Variants in DCAF7 observed in about 807,000 individuals in gnomAD.
DCAF7 encodes the protein DDB1 and CUL4 associated factor 7.
In DCAF7, 4 loss-of-function variants were observed where a neutral mutation model predicts 41.2. That is an observed-to-expected ratio of 0.10 (90% confidence interval 0.05 to 0.22). DCAF7 has a LOEUF of 0.22. Among genes scored for constraint, DCAF7 ranks in the 10% least tolerant of loss-of-function variants. DCAF7 has a pLI of 1.00. For synonymous variants in DCAF7, 143 were observed against 164.2 expected (o/e 0.87, Z 0.99); for missense variants, 131 against 443.2 (o/e 0.30, Z 6.32).
chr17:63,592,576 A>C lies in DCAF7; in HGVS notation c.*3404A>C, dbSNP rs1375952686. On this transcript the variant is annotated 3_prime_UTR_variant, in exon 7 of 7. Transcript: ENST00000614556. ...AGATGTAGGATGCAGGAGAAAATTA[A>C]AGTGTTTTCTTTATATCAGAGGAGG... The C allele has an allele frequency of 6.6e-6, 1 of 152,132 alleles. No individual in the cohort carries two copies. The highest frequency in any genetic ancestry group is 1.5e-5 in the Non-Finnish European group (1 of 68,044). The allele number at this position is 152,132 out of a possible 1,614,324, so 9.4% of individuals were successfully genotyped here.
chr17:63,565,542 G>C (rs2033431153), intron 1 of DCAF7, among the ~76,000 whole-genome samples: 1 of 151,798 alleles, frequency 6.6e-6, no homozygotes, highest in South Asian at 2.1e-4. Flanking sequence ...CTCCAGCCTG[G>C]GCAACAAGAG....
chr17:63,592,003 AC>A lies in DCAF7; in HGVS notation c.*2832del, dbSNP rs1452359054. 4 of 152,342 alleles carry A rather than the reference AC, an allele frequency of 2.6e-5. No individual in the cohort carries two copies. Among genetic ancestry groups the A allele is most frequent in the African/African-American group, 9.6e-5 (4 of 41,472 alleles). The allele number at this position is 152,342 out of a possible 1,614,324, so 9.4% of individuals were successfully genotyped here. A position where few individuals can be genotyped will look rare whatever the true frequency, so the allele number is the denominator to read the frequency against. Reference sequence around the variant, plus strand: ...CACCAGAGAGCTGGAGAATGGGTCCACGTCATTCAAGGACCTGAATTTTTTA... The same window carrying A: ...CACCAGAGAGCTGGAGAATGGGTCCAGTCATTCAAGGACCTGAATTTTTTA... On this transcript the variant is annotated 3_prime_UTR_variant, in exon 7 of 7. Coordinates refer to ENST00000614556, the MANE Select transcript of DCAF7 (RefSeq NM_005828.5).
chr17:63,566,960 T>A (rs186181299), intron 1 of DCAF7, among the ~76,000 whole-genome samples: 11 of 146,088 alleles, frequency 7.5e-5, no homozygotes, highest in African/African-American at 2.7e-4. Flanking sequence ...CTATTTAAGC[T>A]TTTTTCTTTC....
intron 1 of DCAF7, among the ~76,000 whole-genome samples, chr17:63,559,435 GTGTGTA>G: frequency 8.8e-6 from 1 of 113,726 alleles, no homozygotes; most frequent in African/African-American, 4.3e-5. Flanking sequence ...ATATATATGT[GTGTGTA>G]TATATATATA....
chr17:63,575,463 G>A (rs2033551738), intron 1 of DCAF7, among the ~76,000 whole-genome samples: 1 of 152,218 alleles, frequency 6.6e-6, no homozygotes, highest in African/African-American at 2.4e-5. Flanking sequence ...ACCCTGAGAG[G>A]GCGAGACAGG....
chr17:63,580,788 C>G (rs552692430), intron 4 of DCAF7, among the ~76,000 whole-genome samples: 1 of 152,238 alleles, frequency 6.6e-6, no homozygotes, highest in East Asian at 1.9e-4. Flanking sequence ...TCCCAAAGTG[C>G]TGGGATTACA....
At position 63,579,854 on chromosome 17, in the gene DCAF7, A is replaced by G; in HGVS notation, c.439A>G (p.Ile147Val). The change falls in exon 4 of 7, where the codon ATC becomes GTC. Residue 147 changes from isoleucine (I) to valine (V), a missense_variant. Transcript: ENST00000614556. ...GTSSIDTTCT[I>V]WGLETGQVLG... ...CTCAAGCATTGATACGACATGCACC[A>G]TCTGGGGGCTGGAGACAGGGCAGGT... is the stretch of plus-strand genomic sequence containing the variant. 6.2e-7 allele frequency: 1 copy of G among 1,613,902 alleles called. No individual in the cohort carries two copies. Among genetic ancestry groups the G allele is most frequent in the Non-Finnish European group, 8.5e-7 (1 of 1,179,850 alleles).
At chr17:63,560,702 CT>C (rs1375515906) in intron 1 of DCAF7, among the ~76,000 whole-genome samples, 1 of 151,804 alleles carries the variant, frequency 6.6e-6, no homozygotes, top group African/African-American at 2.4e-5. Flanking sequence ...AAATTTGGGC[CT>C]TGTGTATGTA....
intron 1 of DCAF7, among the ~76,000 whole-genome samples, chr17:63,555,733 T>C (rs768930774): frequency 2.3e-4 from 35 of 152,198 alleles, no homozygotes; most frequent in Non-Finnish European, 4.6e-4. Flanking sequence ...CTCCTTTTTC[T>C]AGACAGTGAG....
chr17:63,575,987 C>G (rs572366281), intron 1 of DCAF7, among the ~76,000 whole-genome samples: 1 of 152,292 alleles, frequency 6.6e-6, no homozygotes, highest in East Asian at 1.9e-4. Flanking sequence ...AGTTTGCCTA[C>G]TAGCAGACAG....
intron 1 of DCAF7, among the ~76,000 whole-genome samples, chr17:63,556,571 AG>A: frequency 7.0e-6 from 1 of 142,138 alleles, no homozygotes; most frequent in Admixed American, 7.2e-5. Context: ...TGTTTCAAAA[AG>A]AAAAAATAAA....
chr17:63,560,981 C>T (rs1225867606), intron 1 of DCAF7, among the ~76,000 whole-genome samples: 1 of 152,166 alleles, frequency 6.6e-6, no homozygotes, highest in Admixed American at 6.5e-5. Context: ...CTGTAATCCC[C>T]ACTACAGGCT....
intron 1 of DCAF7, among the ~76,000 whole-genome samples, chr17:63,558,397 G>C (rs980092833): frequency 2.6e-5 from 4 of 152,132 alleles, no homozygotes; most frequent in Non-Finnish European, 4.4e-5. Flanking sequence ...GCATATGTAA[G>C]GTTTATGTGG....
intron 6 of DCAF7, among the ~76,000 whole-genome samples, chr17:63,586,474 A>C (rs970691024): frequency 5.3e-5 from 8 of 152,068 alleles, no homozygotes; most frequent in Non-Finnish European, 1.2e-4. Context: ...TTTTAAAAAA[A>C]GAAAAGAAAG....
At chr17:63,582,630 A>G (rs2033635716) in intron 4 of DCAF7, among the ~76,000 whole-genome samples, 1 of 151,800 alleles carries the variant, frequency 6.6e-6, no homozygotes, top group Admixed American at 6.6e-5. Flanking sequence ...CACCACACTC[A>G]GCTAATTTTT....
chr17:63,556,677 A>G (rs908092800), intron 1 of DCAF7, among the ~76,000 whole-genome samples: 2 of 151,804 alleles, frequency 1.3e-5, no homozygotes, highest in Non-Finnish European at 2.9e-5. Context: ...GACCAGCCTG[A>G]CCAACATGGT....
intron 1 of DCAF7, among the ~76,000 whole-genome samples, chr17:63,563,708 G>A (rs1182214562): frequency 4.6e-5 from 7 of 152,020 alleles, no homozygotes; most frequent in African/African-American, 7.2e-5. Flanking sequence ...TCAGCTACTC[G>A]GGAGGCTGAG....
intron 1 of DCAF7, among the ~76,000 whole-genome samples, chr17:63,577,884 T>C (rs1413176308): frequency 6.6e-6 from 1 of 152,108 alleles, no homozygotes; most frequent in Admixed American, 6.6e-5. Context: ...ACTTATGTAG[T>C]TGGAGTCAAG....
At chr17:63,575,881 G>A (rs994593656) in intron 1 of DCAF7, among the ~76,000 whole-genome samples, 1 of 152,198 alleles carries the variant, frequency 6.6e-6, no homozygotes, top group Non-Finnish European at 1.5e-5. Context: ...AAAAGCAAAA[G>A]TAGAGAATAG....
Sources: gnomAD v4.1 joint callset for allele counts (sites outside exome capture counted in the v4.1 genomes callset) on GRCh38, gnomAD v4.1.1 for gene constraint, MANE v1.5 for transcripts, NCBI Gene and HGNC (gene_info 2026-07-23, HGNC 2026-07-21) for gene names.